TOR3A: variants seen among roughly 807,000 people sequenced by gnomAD.
TOR3A encodes torsin family 3 member A, also known as torsin-3A.
In TOR3A, 44 loss-of-function variants were observed where a neutral mutation model predicts 42.1. The observed-to-expected ratio is 1.04, with a 90% CI of 0.82 to 1.34. The LOEUF is 1.34. Among genes scored for constraint, TOR3A ranks in the 40% most tolerant of loss-of-function variants. The pLI is 0.00. For synonymous variants in TOR3A, 227 were observed against 213.2 expected, an observed-to-expected ratio of 1.06 and a Z score of -0.57; for missense variants, 521 against 507.6, an observed-to-expected ratio of 1.03 and a Z score of -0.25.
At position 179,082,276 on chromosome 1, in the gene TOR3A, G is replaced by C. The variant is rs573503710; in HGVS notation, c.148G>C (p.Glu50Gln). Residue 50 changes from glutamate to glutamine, a missense_variant, in exon 1 of 6, where the codon GAG (glutamate) becomes CAG (glutamine). Glu to Gln is a conservative substitution (Grantham distance 29). Transcript: ENST00000367627. Reference protein sequence around the residue: ...WAWPGFQRLQEQLRAAGALSK... With the variant: ...WAWPGFQRLQQQLRAAGALSK... ...CTGGCCGGGCTTCCAGCGCCTGCAGGAGCAGCTCAGGGCGGCGGGTGCCCT... is the reference window on the plus strand; with the variant it reads ...CTGGCCGGGCTTCCAGCGCCTGCAGCAGCAGCTCAGGGCGGCGGGTGCCCT... 21 of 1,569,524 alleles carry C rather than the reference G, an allele frequency of 1.3e-5. No individual in the cohort carries two copies. The Admixed American group carries it at 3.8e-4, about 29-fold the overall frequency.
At position 179,095,829 on chromosome 1, in the gene TOR3A, G is replaced by GAA. The variant is rs1396380405; in HGVS notation, c.*614_*615dup. 1.0e-6 allele frequency: 1 copy of GAA among 986,378 alleles called. No homozygotes were observed. The highest frequency in any genetic ancestry group is 1.2e-6 in the Non-Finnish European group (1 of 831,014). The allele number at this position is 986,378 out of a possible 1,614,324, so 61.1% of individuals were successfully genotyped here. ...TCAGCCAAGAGCCTGAGGCTGAAGG[G>GAA]AAAAGTACACAGAGGAAGATATTTT... On this transcript the variant is annotated 3_prime_UTR_variant, in exon 6 of 6. Transcript: ENST00000367627.
intron 4 of TOR3A, among the ~76,000 whole-genome samples, chr1:179,090,868 C>T (rs762867315): frequency 7.2e-5 from 11 of 152,186 alleles, no homozygotes; most frequent in Non-Finnish European, 1.0e-4. Flanking sequence ...GTAATTAAAG[C>T]CTGTTTCCTT....
At chr1:179,092,787 G>T (rs903684003) in intron 4 of TOR3A, among the ~76,000 whole-genome samples, 4 of 152,034 alleles carry the variant, frequency 2.6e-5, no homozygotes, top group African/African-American at 7.3e-5. Flanking sequence ...GCTGCTGTGA[G>T]CTGAGATCAC....
rs1311243404 is a variant in TOR3A, at chr1:179,095,819, A to C, written c.*601A>C. On this transcript the variant is annotated 3_prime_UTR_variant, in exon 6 of 6. Coordinates refer to ENST00000367627, the MANE Select transcript of TOR3A (RefSeq NM_022371.4). ...TGTGAGCGAATCAGCCAAGAGCCTG[A>C]GGCTGAAGGGAAAAGTACACAGAGG... is the stretch of plus-strand genomic sequence containing the variant. The C allele has an allele frequency of 1.0e-6, 1 of 986,832 alleles. No individual in the cohort carries two copies. Among genetic ancestry groups the C allele is most frequent in the Non-Finnish European group, 1.2e-6 (1 of 831,186 alleles). 61.1% of individuals were successfully genotyped at this position (986,832 alleles called of 1,614,324 possible). A position where few individuals can be genotyped will look rare whatever the true frequency, so the allele number is the denominator to read the frequency against.
Position 179,095,403 on chromosome 1 carries a change from TC to T in TOR3A, c.*186del. On this transcript the variant is annotated 3_prime_UTR_variant, in exon 6 of 6. Transcript: ENST00000367627. ...CATTAGAAGCCAAGCCAATCCTTTT[TC>T]TTTTTTTTGGAGGTCCCACCGAGAT... 4.9e-6 allele frequency: 7 copies of T among 1,431,874 alleles called. No homozygotes were observed. The highest frequency in any genetic ancestry group is 3.2e-5 in the South Asian group (2 of 63,334). The allele number at this position is 1,431,874 out of a possible 1,614,324, so 88.7% of individuals were successfully genotyped here. A position where few individuals can be genotyped will look rare whatever the true frequency, so the allele number is the denominator to read the frequency against.
At chr1:179,093,996 ATTC>A in intron 4 of TOR3A, 94 bp from the exon 5 acceptor site, 1 of 1,471,046 alleles carries the variant, frequency 6.8e-7, no homozygotes, top group Non-Finnish European at 9.2e-7. Flanking sequence ...CTCAGCCTCT[ATTC>A]TTCCAGGCAC....
At chr1:179,085,564 T>TG (rs1411323809) in intron 2 of TOR3A, 64 bp from the exon 3 acceptor site, 1 of 1,584,556 alleles carries the variant, frequency 6.3e-7, no homozygotes, top group South Asian at 1.1e-5. Context: ...TCTTGGCTGT[T>TG]GGCTGTTGTG....
intron 2 of TOR3A, among the ~76,000 whole-genome samples, chr1:179,083,816 A>T (rs1652362599): frequency 6.6e-6 from 1 of 152,190 alleles, no homozygotes. Flanking sequence ...AAACCTGTTC[A>T]GACATTTGCA....
rs763312561 is a variant in TOR3A, at chr1:179,087,953, C to G, written c.682C>G (p.His228Asp). 1.2e-6 allele frequency: 2 copies of G among 1,609,424 alleles called. No individual in the cohort carries two copies. The highest frequency in any genetic ancestry group is 1.7e-6 in the Non-Finnish European group (2 of 1,177,844). The stretch of plus-strand genomic sequence containing the variant: ...GATCCGGGAGACGCAGCAGCTCTGC[C>G]ACCAGACCCTGTTCATCTTCGATGA... ...SQIRETQQLC[H>D]QTLFIFDEAE... Residue 228 changes from histidine to aspartate, a missense_variant, in exon 4 of 6, where the codon CAC becomes GAC. Transcript: ENST00000367627.
At chr1:179,092,683 C>T (rs1466501616) in intron 4 of TOR3A, among the ~76,000 whole-genome samples, 2 of 152,106 alleles carry the variant, frequency 1.3e-5, no homozygotes, top group Non-Finnish European at 2.9e-5. Context: ...CCTGTCTCTA[C>T]TAAAAAAATT....
chr1:179,083,919 A>G (rs1386038268), intron 2 of TOR3A, among the ~76,000 whole-genome samples: 1 of 152,028 alleles, frequency 6.6e-6, no homozygotes, highest in Non-Finnish European at 1.5e-5. Flanking sequence ...CCCACCCCAG[A>G]TATTTAGGTC....
Position 179,095,917 on chromosome 1 carries a change from C to T in TOR3A, c.*699C>T. 1 of 983,872 alleles carries T rather than the reference C, an allele frequency of 1.0e-6. No homozygotes were observed. Among genetic ancestry groups the T allele is most frequent in the Non-Finnish European group, 1.2e-6 (1 of 829,722 alleles). 60.9% of individuals were successfully genotyped at this position (983,872 alleles called of 1,614,324 possible). A position where few individuals can be genotyped will look rare whatever the true frequency, so the allele number is the denominator to read the frequency against. Reference sequence around the variant, plus strand: ...CAGATTTTGGCGGGGGAGGGGGGACCTTTTCAAAGACAATAGGGGGTCTTG... The same window carrying T: ...CAGATTTTGGCGGGGGAGGGGGGACTTTTTCAAAGACAATAGGGGGTCTTG... On this transcript the variant is annotated 3_prime_UTR_variant, in exon 6 of 6. Transcript: ENST00000367627.
intron 2 of TOR3A, 96 bp from the exon 3 acceptor site, chr1:179,085,532 A>C: frequency 2.2e-5 from 32 of 1,478,514 alleles, no homozygotes; most frequent in Non-Finnish European, 2.7e-5. Flanking sequence ...TCCACCCGAG[A>C]GAGATTCAGA....
Position 179,082,264 on chromosome 1 carries a change from C to A in TOR3A, c.136C>A (p.Gln46Lys). ...CTCGGCCTGGGCCTGGCCGGGCTTCCAGCGCCTGCAGGAGCAGCTCAGGGC... is the reference window on the plus strand; with the variant it reads ...CTCGGCCTGGGCCTGGCCGGGCTTCAAGCGCCTGCAGGAGCAGCTCAGGGC... ...PGSAWAWPGF[Q>K]RLQEQLRAAG... The change falls in exon 1 of 6, where the codon CAG becomes AAG. Residue 46 changes from glutamine (Q) to lysine (K), a missense_variant. Coordinates refer to ENST00000367627, the MANE Select transcript of TOR3A (RefSeq NM_022371.4). 6.4e-7 allele frequency: 1 copy of A among 1,558,852 alleles called. No homozygotes were observed. Among genetic ancestry groups the A allele is most frequent in the Non-Finnish European group, 8.6e-7 (1 of 1,159,334 alleles).
rs1170861536 is a variant in TOR3A, at chr1:179,095,791, T to G, written c.*573T>G. The stretch of plus-strand genomic sequence containing the variant: ...TTCCAGAGGAAAGCCAAGCTGCTTC[T>G]GTTGTGAGCGAATCAGCCAAGAGCC... On this transcript the variant is annotated 3_prime_UTR_variant, in exon 6 of 6. Coordinates refer to ENST00000367627, the MANE Select transcript of TOR3A (RefSeq NM_022371.4). 1 of 988,152 alleles carries G rather than the reference T, an allele frequency of 1.0e-6. No homozygotes were observed. Among genetic ancestry groups the G allele is most frequent in the Admixed American group, 5.9e-5 (1 of 16,810 alleles). 61.2% of individuals were successfully genotyped at this position (988,152 alleles called of 1,614,324 possible).
chr1:179,094,326 G>A, intron 5 of TOR3A, 109 bp downstream of exon 5: 2 of 1,372,350 alleles, frequency 1.5e-6, no homozygotes, highest in Non-Finnish European at 1.9e-6. Flanking sequence ...GGAACACAGA[G>A]GGCAGACTAT....
At position 179,095,933 on chromosome 1, in the gene TOR3A, G is replaced by C; in HGVS notation, c.*715G>C. 1.0e-6 allele frequency: 1 copy of C among 984,828 alleles called. No homozygotes were observed. The highest frequency in any genetic ancestry group is 1.8e-5 in the African/African-American group (1 of 57,098). 61.0% of individuals were successfully genotyped at this position (984,828 alleles called of 1,614,324 possible). A position where few individuals can be genotyped will look rare whatever the true frequency, so the allele number is the denominator to read the frequency against. On this transcript the variant is annotated 3_prime_UTR_variant, in exon 6 of 6. Coordinates refer to ENST00000367627, the MANE Select transcript of TOR3A (RefSeq NM_022371.4). Reference sequence around the variant, plus strand: ...AGGGGGGACCTTTTCAAAGACAATAGGGGGTCTTGACATGTTTGTTGTATG... The same window carrying C: ...AGGGGGGACCTTTTCAAAGACAATACGGGGTCTTGACATGTTTGTTGTATG...
chr1:179,089,726 A>G (rs1395146100), intron 4 of TOR3A, among the ~76,000 whole-genome samples: 1 of 151,610 alleles, frequency 6.6e-6, no homozygotes, highest in Non-Finnish European at 1.5e-5. Context: ...AGTCCAGGGG[A>G]CCCTCTGAAC....
intron 3 of TOR3A, 87 bp downstream of exon 3, chr1:179,085,980 G>A: frequency 6.6e-7 from 1 of 1,525,102 alleles, no homozygotes; most frequent in Non-Finnish European, 8.8e-7. Flanking sequence ...ATGGGCTCTG[G>A]AGAAGCCTGG....
Sources: allele counts gnomAD v4.1 joint callset (sites outside exome capture counted in the v4.1 genomes callset), GRCh38; gene constraint gnomAD v4.1.1; transcripts MANE v1.5; gene names NCBI Gene and HGNC (gene_info 2026-07-23, HGNC 2026-07-21).